The following PTPRD variants were observed in gnomAD, a reference collection of about 807,000 sequenced individuals.
PTPRD encodes the protein protein tyrosine phosphatase receptor type D.
PTPRD carries 34 observed loss-of-function variants against 214.5 expected under a neutral mutation model. The ratio of observed to expected loss-of-function variants is 0.16; its 90% CI spans 0.12 to 0.21. PTPRD has a LOEUF of 0.21. PTPRD is among the 10% of genes least tolerant of loss of function. The pLI is 1.00. For synonymous variants in PTPRD, 1,128 were observed against 845.7 expected, an observed-to-expected ratio of 1.33 and a Z score of -5.79; for missense variants, 2,545 against 2,398.7, an observed-to-expected ratio of 1.06 and a Z score of -1.27.
intron 11 of PTPRD, among the ~76,000 whole-genome samples, chr9:8,958,308 T>C (rs1362489805): frequency 6.6e-6 from 1 of 151,966 alleles, no homozygotes. Flanking sequence ...CATATACTTC[T>C]TCTCCCTAAT....
chr9:8,556,747 T>C (rs1273125555), intron 14 of PTPRD, among the ~76,000 whole-genome samples: 3 of 151,752 alleles, frequency 2.0e-5, no homozygotes, highest in Non-Finnish European at 4.4e-5. Context: ...TTTTGACAGG[T>C]AAAAAAAGTG....
At chr9:8,738,490 T>C (rs1207651831) in intron 11 of PTPRD, among the ~76,000 whole-genome samples, 2 of 151,908 alleles carry the variant, frequency 1.3e-5, no homozygotes, top group Non-Finnish European at 2.9e-5. Context: ...ATGGGAAATG[T>C]AGAAAATTAG....
chr9:9,890,525 A>C (rs371899769), intron 5 of PTPRD, among the ~76,000 whole-genome samples: 13 of 152,050 alleles, frequency 8.5e-5, no homozygotes, highest in African/African-American at 2.9e-4. Flanking sequence ...AACTTTTACT[A>C]TTAAAATTGC....
At chr9:9,582,520 A>T (rs2091053679) in intron 7 of PTPRD, among the ~76,000 whole-genome samples, 1 of 150,912 alleles carries the variant, frequency 6.6e-6, no homozygotes, top group South Asian at 2.1e-4. Context: ...CTGAGAGATA[A>T]ATAAATTATA....
chr9:10,083,785 C>A (rs889523907), intron 3 of PTPRD, among the ~76,000 whole-genome samples: 3 of 151,936 alleles, frequency 2.0e-5, no homozygotes, highest in Admixed American at 2.0e-4. Flanking sequence ...CGACCTAGAT[C>A]CCTCACATGT....
intron 9 of PTPRD, among the ~76,000 whole-genome samples, chr9:9,334,846 T>C (rs60425279): frequency 6.6e-6 from 1 of 151,810 alleles, no homozygotes; most frequent in African/African-American, 2.4e-5. Context: ...TTAAGACAAG[T>C]AAATAGTAGT....
chr9:10,038,867 A>G (rs745453710), intron 3 of PTPRD, among the ~76,000 whole-genome samples: 1 of 151,944 alleles, frequency 6.6e-6, no homozygotes, highest in Non-Finnish European at 1.5e-5. Flanking sequence ...CTTGGTTTAT[A>G]TCCTCATTTC....
chr9:8,338,060 T>C (rs962802564), intron 43 of PTPRD, among the ~76,000 whole-genome samples: 1 of 152,084 alleles, frequency 6.6e-6, no homozygotes, highest in East Asian at 1.9e-4. Context: ...GGCCAGGCTT[T>C]GGGGATTAGC....
intron 11 of PTPRD, among the ~76,000 whole-genome samples, chr9:8,771,386 G>T (rs2095200786): frequency 6.6e-6 from 1 of 152,062 alleles, no homozygotes; most frequent in Non-Finnish European, 1.5e-5. Flanking sequence ...TTAGAATTTA[G>T]AACCAAGGAA....
Position 8,920,836 on chromosome 9 carries a change from C to T in PTPRD, c.-104+97861G>A, listed in dbSNP as rs190775202. On this transcript the variant is annotated intron_variant, in intron 11 of 45. Coordinates refer to ENST00000381196, the MANE Select transcript of PTPRD (RefSeq NM_002839.4). ...ATTTATTTATTATTTTATTTTGAGA[C>T]AGAGTCTCCCTCTGTTGCCCAGGCT... Among the ~76,000 whole-genome samples, 9 of 151,882 alleles carry T rather than the reference C, an allele frequency of 5.9e-5. No individual in the cohort carries two copies. The East Asian group carries it at 1.7e-3, about 29-fold the overall frequency.
intron 2 of PTPRD, among the ~76,000 whole-genome samples, chr9:10,407,529 C>A (rs191828564): frequency 6.6e-6 from 1 of 151,480 alleles, no homozygotes; most frequent in African/African-American, 2.4e-5. Context: ...AAACAGCTTT[C>A]GGCACACCAA....
At chr9:9,871,094 G>T (rs1348154344) in intron 5 of PTPRD, among the ~76,000 whole-genome samples, 2 of 152,132 alleles carry the variant, frequency 1.3e-5, no homozygotes, top group African/African-American at 4.8e-5. Flanking sequence ...AAAACATTTT[G>T]TACAGATACT....
chr9:8,376,111 C>G (rs767627112), intron 38 of PTPRD, 21 bp from the exon 39 acceptor site: 2 of 1,610,120 alleles, frequency 1.2e-6, no homozygotes, highest in African/African-American at 1.3e-5. Flanking sequence ...GGAATATCAG[C>G]TGAAATTCTG....
At chr9:8,680,344 G>T (rs1031007124) in intron 12 of PTPRD, among the ~76,000 whole-genome samples, 27 of 152,078 alleles carry the variant, frequency 1.8e-4, no homozygotes, top group African/African-American at 6.0e-4. Flanking sequence ...ATTGCCTACA[G>T]CTTTAATTAC....
At chr9:8,547,905 T>C (rs368937314) in intron 14 of PTPRD, among the ~76,000 whole-genome samples, 11 of 152,210 alleles carry the variant, frequency 7.2e-5, no homozygotes, top group African/African-American at 1.2e-4. Context: ...AAATATTTAT[T>C]GAACACCTCT....
chr9:10,250,789 T>TA (rs1339300681), intron 3 of PTPRD, among the ~76,000 whole-genome samples: 1 of 151,894 alleles, frequency 6.6e-6, no homozygotes, highest in East Asian at 1.9e-4. Context: ...ACTATATATA[T>TA]AAAATAATAT....
chr9:10,524,660 A>G (rs1343752092), intron 2 of PTPRD, among the ~76,000 whole-genome samples: 1 of 152,116 alleles, frequency 6.6e-6, no homozygotes, highest in African/African-American at 2.4e-5. Flanking sequence ...ATTTGGATTC[A>G]GCATATATTG....
chr9:8,791,130 G>C (rs960683294), intron 11 of PTPRD, among the ~76,000 whole-genome samples: 3 of 152,126 alleles, frequency 2.0e-5, no homozygotes, highest in East Asian at 1.9e-4. Flanking sequence ...TCCTCAAAGA[G>C]GCCAATTACA....
chr9:9,306,158 G>C (rs909206667), intron 9 of PTPRD, among the ~76,000 whole-genome samples: 3 of 152,140 alleles, frequency 2.0e-5, no homozygotes, highest in Admixed American at 6.6e-5. Context: ...GAAATTCTAT[G>C]AGTAAAAACA....
Sources: allele counts gnomAD v4.1 joint callset (sites outside exome capture counted in the v4.1 genomes callset), GRCh38; gene constraint gnomAD v4.1.1; transcripts MANE v1.5; gene names NCBI Gene and HGNC (gene_info 2026-07-23, HGNC 2026-07-21).